PARL: variants seen among roughly 807,000 people sequenced by gnomAD.
PARL encodes presenilin associated rhomboid like.
A neutral mutation model predicts 51.6 loss-of-function variants in PARL; 44 were observed. That is an observed-to-expected ratio of 0.85 (90% CI 0.67 to 1.10). PARL has a LOEUF of 1.10. Ranked by LOEUF, PARL falls within the 50% of genes least tolerant of loss-of-function variation. The pLI is 0.00. For missense variants in PARL, 441 were observed against 469.5 expected (o/e 0.94, Z 0.56); for synonymous variants, 172 against 164.0 (o/e 1.05, Z -0.37).
At chr3:183,832,200 G>A (rs1238790305) in intron 9 of PARL, among the ~76,000 whole-genome samples, 1 of 151,658 alleles carries the variant, frequency 6.6e-6, no homozygotes, top group Non-Finnish European at 1.5e-5. Flanking sequence ...GGGAAAAACT[G>A]CTTCACTTAG....
intron 4 of PARL, among the ~76,000 whole-genome samples, chr3:183,859,807 T>G (rs1731596849): frequency 6.6e-6 from 1 of 152,220 alleles, no homozygotes; most frequent in Non-Finnish European, 1.5e-5. Flanking sequence ...ATATTTGGAT[T>G]AACACTTTAC....
chr3:183,861,728 C>A (rs1229364293), intron 4 of PARL, among the ~76,000 whole-genome samples: 1 of 152,066 alleles, frequency 6.6e-6, no homozygotes, highest in African/African-American at 2.4e-5. Flanking sequence ...CAATATTTTG[C>A]AATTCTCTAG....
intron 3 of PARL, among the ~76,000 whole-genome samples, chr3:183,863,457 C>T (rs995902952): frequency 2.0e-5 from 3 of 152,088 alleles, no homozygotes; most frequent in South Asian, 2.1e-4. Context: ...ATTCTCTCTA[C>T]ATTTGTATCT....
chr3:183,861,843 A>C (rs1467438176), intron 4 of PARL, among the ~76,000 whole-genome samples: 1 of 152,120 alleles, frequency 6.6e-6, no homozygotes, highest in African/African-American at 2.4e-5. Flanking sequence ...TAGTAGGACC[A>C]CAGCTCACTG....
rs368400353 is a variant in PARL at position 183,842,031 on chromosome 3, C to T, written c.757+267G>A. Among the ~76,000 whole-genome samples the T allele has an allele frequency of 1.9e-3, 293 of 152,318 alleles. 3 individuals carry two copies. The highest frequency in any genetic ancestry group is 6.8e-3 in the African/African-American group (282 of 41,566). On this transcript the variant is annotated intron_variant, in intron 6 of 9. Transcript: ENST00000317096. ...ACAAAAATGACATGCTTAAATTCTACACTAACCCTTACTTAACGCCTGTTT... is the reference window on the plus strand; with the variant it reads ...ACAAAAATGACATGCTTAAATTCTATACTAACCCTTACTTAACGCCTGTTT...
intron 4 of PARL, among the ~76,000 whole-genome samples, chr3:183,856,703 G>A (rs532919777): frequency 3.9e-5 from 6 of 152,202 alleles, no homozygotes; most frequent in Non-Finnish European, 8.8e-5. Flanking sequence ...CACAAAAAAG[G>A]ATTGTTATTT....
At chr3:183,866,474 A>T in intron 3 of PARL, 151 bp downstream of exon 3, 1 of 691,556 alleles carries the variant, frequency 1.4e-6, no homozygotes, top group Non-Finnish European at 2.6e-6. Flanking sequence ...ATAAAGATAA[A>T]TGTTTAAGGT....
chr3:183,878,353 A>G (rs1303724480), intron 1 of PARL, among the ~76,000 whole-genome samples: 2 of 152,206 alleles, frequency 1.3e-5, no homozygotes, highest in Admixed American at 1.3e-4. Flanking sequence ...CTAAGCCGCA[A>G]GTCCAACCCA....
chr3:183,835,004 A>G (rs1317330957), intron 7 of PARL, among the ~76,000 whole-genome samples: 1 of 152,024 alleles, frequency 6.6e-6, no homozygotes, highest in African/African-American at 2.4e-5. Context: ...GGTTGCAGTG[A>G]GCCGAGATTG....
chr3:183,871,517 C>CA (rs10718782), intron 1 of PARL, among the ~76,000 whole-genome samples: 385 of 87,478 alleles, frequency 4.4e-3, no homozygotes, highest in African/African-American at 0.011. Context: ...TACACTTGGC[C>CA]AAAAAAAAAA....
At chr3:183,884,572 G>A (rs376066433) in intron 1 of PARL, 150 bp downstream of exon 1, 21 of 757,846 alleles carry the variant, frequency 2.8e-5, no homozygotes, top group Non-Finnish European at 3.9e-5. Context: ...AGGACTGGAC[G>A]GAGGCGAGAG....
At chr3:183,865,324 C>G (rs546340814) in intron 3 of PARL, among the ~76,000 whole-genome samples, 10 of 152,236 alleles carry the variant, frequency 6.6e-5, no homozygotes, top group African/African-American at 2.4e-4. Context: ...AAAAAAATCA[C>G]TTGCTAGCTC....
intron 1 of PARL, among the ~76,000 whole-genome samples, chr3:183,879,249 C>A (rs1247930055): frequency 6.6e-6 from 1 of 152,234 alleles, no homozygotes; most frequent in East Asian, 1.9e-4. Flanking sequence ...ATTTCACATC[C>A]CATTCCTTGG....
chr3:183,859,087 C>T (rs776757386), intron 4 of PARL, among the ~76,000 whole-genome samples: 2 of 151,980 alleles, frequency 1.3e-5, no homozygotes, highest in Non-Finnish European at 2.9e-5. Context: ...CGGTGGATCA[C>T]GAGGTCAGAA....
Position 183,832,330 on chromosome 3 carries a change from T to C in PARL, c.1028+1162A>G, listed in dbSNP as rs376853074. On this transcript the variant is annotated intron_variant, in intron 9 of 9. Transcript: ENST00000317096. ...GCCTTCTGGGTTCACACCATTCTCC[T>C]GCCTCAGCCTCCCGAGTAGCTGGGA... Among the ~76,000 whole-genome samples, 16 of 152,120 alleles carry C rather than the reference T, an allele frequency of 1.1e-4. 1 individual carries two copies. The highest frequency in any genetic ancestry group is 5.2e-4 in the Admixed American group (8 of 15,264).
chr3:183,841,223 T>A (rs1372332898), intron 6 of PARL, among the ~76,000 whole-genome samples: 1 of 152,224 alleles, frequency 6.6e-6, no homozygotes, highest in Non-Finnish European at 1.5e-5. Context: ...GGCTCATTTT[T>A]AAAAACCTCC....
chr3:183,833,969 C>T, intron 7 of PARL, 144 bp from the exon 8 acceptor site: 1 of 696,202 alleles, frequency 1.4e-6, no homozygotes, highest in Admixed American at 2.1e-5. Flanking sequence ...CTTTCAGTTA[C>T]TTATGTCCCC....
intron 4 of PARL, among the ~76,000 whole-genome samples, chr3:183,859,549 C>T (rs1208783097): frequency 6.6e-6 from 1 of 152,106 alleles, no homozygotes; most frequent in East Asian, 1.9e-4. Flanking sequence ...GTTGGCCAGG[C>T]TGGTCTCCAA....
chr3:183,870,277 CA>C (rs1233474859), intron 1 of PARL, among the ~76,000 whole-genome samples: 259 of 131,998 alleles, frequency 2.0e-3, no homozygotes, highest in Non-Finnish European at 1.8e-3. Context: ...GACCTTGTCT[CA>C]AAAAAAAAAA....
Sources: allele counts gnomAD v4.1 joint callset (sites outside exome capture counted in the v4.1 genomes callset), GRCh38; gene constraint gnomAD v4.1.1; transcripts MANE v1.5; gene names NCBI Gene and HGNC (gene_info 2026-07-23, HGNC 2026-07-21).